The following POU6F2 variants were observed in gnomAD, a reference collection of about 807,000 sequenced individuals.
POU6F2 encodes POU class 6 homeobox 2.
POU6F2 carries 31 observed loss-of-function variants against 71.3 expected under a neutral mutation model. The observed-to-expected ratio is 0.43, with a 90% CI of 0.33 to 0.59. The LOEUF is 0.59. POU6F2 is among the 20% of genes least tolerant of loss of function. The pLI is 0.04. For synonymous variants in POU6F2, 347 were observed against 355.7 expected, an observed-to-expected ratio of 0.98 and a Z score of 0.27; for missense variants, 783 against 856.8, an observed-to-expected ratio of 0.91 and a Z score of 1.07.
At chr7:39,337,600 C>CT (rs1388194369) in intron 4 of POU6F2, among the ~76,000 whole-genome samples, 3 of 152,160 alleles carry the variant, frequency 2.0e-5, no homozygotes, top group Non-Finnish European at 2.9e-5. Context: ...TTTCACTATG[C>CT]TTTACACAAT....
At chr7:39,118,358 G>A (rs761649221) in intron 2 of POU6F2, among the ~76,000 whole-genome samples, 6 of 152,064 alleles carry the variant, frequency 3.9e-5, no homozygotes, top group Non-Finnish European at 5.9e-5. Flanking sequence ...AAACAGGAAT[G>A]GAAGGAGGAG....
At chr7:39,423,201 T>TCCTCTCCAGGAGGAGAAAA (rs1474918749) in intron 6 of POU6F2, among the ~76,000 whole-genome samples, 2 of 152,180 alleles carry the variant, frequency 1.3e-5, no homozygotes, top group Non-Finnish European at 2.9e-5. Flanking sequence ...AAGAGCCTAT[T>TCCTCTCCAGGAGGAGAAAA]GAACTCTTGT....
intron 1 of POU6F2, among the ~76,000 whole-genome samples, chr7:39,015,422 C>T (rs1349421004): frequency 1.8e-4 from 21 of 117,852 alleles, no homozygotes; most frequent in Admixed American, 3.0e-4. Context: ...GATATAATAT[C>T]TATTATATAT....
At chr7:39,230,528 A>G (rs2128749933) in intron 4 of POU6F2, among the ~76,000 whole-genome samples, 1 of 152,194 alleles carries the variant, frequency 6.6e-6, no homozygotes, top group South Asian at 2.1e-4. Flanking sequence ...TGGTTTGATT[A>G]CAAAATTTTG....
intron 4 of POU6F2, among the ~76,000 whole-genome samples, chr7:39,219,136 A>C (rs1351283728): frequency 6.6e-6 from 1 of 152,134 alleles, no homozygotes; most frequent in African/African-American, 2.4e-5. Context: ...CATGGACATA[A>C]TCTCCGCATT....
At chr7:39,142,026 G>A (rs946442899) in intron 2 of POU6F2, among the ~76,000 whole-genome samples, 3 of 152,094 alleles carry the variant, frequency 2.0e-5, no homozygotes, top group African/African-American at 7.2e-5. Flanking sequence ...GATGGAGGTT[G>A]CAGTGAGCGG....
At chr7:39,016,260 C>T (rs1584501397) in intron 1 of POU6F2, among the ~76,000 whole-genome samples, 1 of 146,370 alleles carries the variant, frequency 6.8e-6, no homozygotes, top group Non-Finnish European at 1.5e-5. Context: ...ATAGAAAATA[C>T]AGTATATACT....
At chr7:39,263,896 T>C (rs1583483361) in intron 4 of POU6F2, among the ~76,000 whole-genome samples, 1 of 152,194 alleles carries the variant, frequency 6.6e-6, no homozygotes, top group East Asian at 1.9e-4. Context: ...GAGGCAGCCT[T>C]TCAATAAGTG....
rs566173742 is a variant in POU6F2 at position 39,095,473 on chromosome 7, T to A, written c.277+9442T>A. 2.0e-5 allele frequency among the ~76,000 whole-genome samples: 3 copies of A among 152,352 alleles called. No individual in the cohort carries two copies. In the South Asian group the frequency reaches 6.2e-4, roughly 32 times the overall value. On this transcript the variant is annotated intron_variant, in intron 2 of 9. Coordinates refer to ENST00000518318, the MANE Select transcript of POU6F2 (RefSeq NM_001370959.1). ...AAGAGCTGGTCACATTGGAGATTGC[T>A]GATGGCATCGAGGTGGTTGCAGTAG...
intron 2 of POU6F2, among the ~76,000 whole-genome samples, chr7:39,155,287 G>A (rs545726935): frequency 6.3e-4 from 96 of 151,848 alleles, no homozygotes; most frequent in Non-Finnish European, 1.2e-3. Context: ...CAGTCCTAAA[G>A]CTTTTTTTTT....
intron 1 of POU6F2, among the ~76,000 whole-genome samples, chr7:39,017,785 T>C (rs1488333352): frequency 6.7e-6 from 1 of 150,128 alleles, no homozygotes; most frequent in Non-Finnish European, 1.5e-5. Context: ...CCAAAATGTT[T>C]ATTAAGCTCA....
intron 2 of POU6F2, among the ~76,000 whole-genome samples, chr7:39,174,399 GT>G (rs1315086822): frequency 1.3e-5 from 2 of 152,084 alleles, no homozygotes; most frequent in African/African-American, 4.8e-5. Context: ...TATATTGTGG[GT>G]GTGATCAGGA....
In POU6F2 at chr7:39,102,763, T is replaced by C. The variant is rs865883741; in HGVS notation, c.277+16732T>C. Among the ~76,000 whole-genome samples, 8 of 152,346 alleles carry C rather than the reference T, an allele frequency of 5.3e-5. No homozygotes were observed. The South Asian group carries it at 8.3e-4, about 16-fold the overall frequency. ...CAATTTCATCATTGTGTGAATGTCA[T>C]AGAGTGTACTTACGTAAATCTAGAT... On this transcript the variant is annotated intron_variant, in intron 2 of 9. Coordinates refer to ENST00000518318, the MANE Select transcript of POU6F2 (RefSeq NM_001370959.1).
At chr7:39,001,464 A>C (rs73369771) in intron 1 of POU6F2, among the ~76,000 whole-genome samples, 3,578 of 152,314 alleles carry the variant, frequency 0.023, 154 homozygotes, top group African/African-American at 0.082. Context: ...AGTAAAAAAT[A>C]AAAGGAGAAT....
rs78425930 is a variant in POU6F2, at chr7:39,041,373, G to A, written c.106-44487G>A. 3.9e-3 allele frequency among the ~76,000 whole-genome samples: 589 copies of A among 152,018 alleles called. 7 individuals are homozygous for A. The highest frequency in any genetic ancestry group is 0.013 in the African/African-American group (558 of 41,516). ...TTCAGATTCTTAGAAGTGGAGGTTCGTTGGTCAAAAGACATGTAAATTTAA... is the reference window on the plus strand; with the variant it reads ...TTCAGATTCTTAGAAGTGGAGGTTCATTGGTCAAAAGACATGTAAATTTAA... On this transcript the variant is annotated intron_variant, in intron 1 of 9. Transcript: ENST00000518318.
chr7:39,007,369 C>T (rs1789103744), intron 1 of POU6F2, among the ~76,000 whole-genome samples: 1 of 152,120 alleles, frequency 6.6e-6, no homozygotes, highest in Non-Finnish European at 1.5e-5. Context: ...GTAATACCCA[C>T]AGTTTCCTTA....
chr7:39,000,339 T>C (rs1240424027), intron 1 of POU6F2, among the ~76,000 whole-genome samples: 2 of 152,228 alleles, frequency 1.3e-5, no homozygotes, highest in African/African-American at 4.8e-5. Flanking sequence ...TGTTTAACAC[T>C]GATTCACTTA....
intron 4 of POU6F2, among the ~76,000 whole-genome samples, chr7:39,276,754 G>A (rs1784447425): frequency 6.6e-6 from 1 of 151,942 alleles, no homozygotes; most frequent in Non-Finnish European, 1.5e-5. Context: ...CCTTTGTAGG[G>A]ACATGGATGA....
chr7:39,021,365 G>A (rs895512784), intron 1 of POU6F2, among the ~76,000 whole-genome samples: 1 of 151,482 alleles, frequency 6.6e-6, no homozygotes, highest in Non-Finnish European at 1.5e-5. Flanking sequence ...AACATACTTG[G>A]CCAATTTTTT....
Sources: allele counts gnomAD v4.1 joint callset (sites outside exome capture counted in the v4.1 genomes callset), GRCh38; gene constraint gnomAD v4.1.1; transcripts MANE v1.5; gene names NCBI Gene and HGNC (gene_info 2026-07-23, HGNC 2026-07-21).